The following VAV2 variants were observed in gnomAD, a reference collection of about 807,000 sequenced individuals.
VAV2 encodes vav guanine nucleotide exchange factor 2.
VAV2 carries 67 observed loss-of-function variants against 132.5 expected under a neutral mutation model. That is an observed-to-expected ratio of 0.51 (90% CI 0.42 to 0.62). The LOEUF is 0.62. VAV2 is among the 20% of genes least tolerant of loss of function. The pLI is 0.00. For missense variants in VAV2, 938 were observed against 1,153.6 expected (o/e 0.81, Z 2.71); for synonymous variants, 492 against 443.5 (o/e 1.11, Z -1.37).
rs1412345815 is a variant in VAV2, at chr9:133,843,369, G to GT, written c.381-9030dup. Among the ~76,000 whole-genome samples, 63 of 152,242 alleles carry GT rather than the reference G, an allele frequency of 4.1e-4. 1 individual carries two copies. The highest frequency in any genetic ancestry group is 7.2e-5 in the African/African-American group (3 of 41,538). The stretch of plus-strand genomic sequence containing the variant: ...AGTTCAGAGCTCTGACTTTGTTTGG[G>GT]TTTTTTTGGTATTTTTTTGTAGAGA... On this transcript the variant is annotated intron_variant, in intron 3 of 29. Coordinates refer to ENST00000371850, the MANE Select transcript of VAV2 (RefSeq NM_001134398.2).
rs1437520760 is a variant in VAV2, at chr9:133,857,309, C to T, written c.380+4065G>A. ...TCTCCCACTCTACAACCACAATCCT[C>T]CCCCTTGCCCCGCTTCCCCAACACG... On this transcript the variant is annotated intron_variant, in intron 3 of 29. Transcript: ENST00000371850. This position sits in a 1 kb window ranked among gnomAD's most constrained non-coding sequence, Gnocchi z 4.0. Among the ~76,000 whole-genome samples, 1 of 152,200 alleles carries T rather than the reference C, an allele frequency of 6.6e-6. No homozygotes were observed. The highest frequency in any genetic ancestry group is 2.4e-5 in the African/African-American group (1 of 41,444).
At position 133,961,078 on chromosome 9, in the gene VAV2, C is replaced by T. The variant is rs1218258829; in HGVS notation, c.205-21859G>A. 2.6e-5 allele frequency among the ~76,000 whole-genome samples: 4 copies of T among 152,252 alleles called. No homozygotes were observed. The highest frequency in any genetic ancestry group is 5.9e-5 in the Non-Finnish European group (4 of 68,036). Reference sequence around the variant, plus strand: ...CCTCCACTGGCCCACACCCGGCACACATCACGGGCGGCCCCAAGCTCTCCA... The same window carrying T: ...CCTCCACTGGCCCACACCCGGCACATATCACGGGCGGCCCCAAGCTCTCCA... On this transcript the variant is annotated intron_variant, in intron 1 of 29. Coordinates refer to ENST00000371850, the MANE Select transcript of VAV2 (RefSeq NM_001134398.2). The surrounding 1 kb of genome is among the most constrained non-coding windows in gnomAD (Gnocchi z 4.1).
At position 133,829,851 on chromosome 9, in the gene VAV2, C is replaced by T. The variant is rs943095172; in HGVS notation, c.449+4421G>A. 6.9e-4 allele frequency among the ~76,000 whole-genome samples: 105 copies of T among 152,216 alleles called. 1 individual carries two copies. The highest frequency in any genetic ancestry group is 2.3e-3 in the African/African-American group (95 of 41,516). ...CCCTTCTTATTTTTTGACGTGGCTC[C>T]GCTGTAATCCCACCACACTGCCCTG... On this transcript the variant is annotated intron_variant, in intron 4 of 29. Coordinates refer to ENST00000371850, the MANE Select transcript of VAV2 (RefSeq NM_001134398.2).
intron 6 of VAV2, 39 bp from the exon 7 acceptor site, chr9:133,809,177 C>CCCGGCCA: frequency 6.3e-7 from 1 of 1,578,222 alleles, no homozygotes; most frequent in Non-Finnish European, 8.7e-7. Context: ...ACCCCATGGG[C>CCCGGCCA]CCGGCCACCT....
At position 133,885,142 on chromosome 9, in the gene VAV2, A is replaced by G. The variant is rs147542383; in HGVS notation, c.322-23710T>C. On this transcript the variant is annotated intron_variant, in intron 2 of 29. Transcript: ENST00000371850. The surrounding 1 kb of genome is among the most constrained non-coding windows in gnomAD (Gnocchi z 5.0). ...CAGCCAATATTCATCAAAATGCATG[A>G]ATCTTCTCTGAACCAGTGACTTCAT... Among the ~76,000 whole-genome samples, 2 of 152,326 alleles carry G rather than the reference A, an allele frequency of 1.3e-5. No individual in the cohort carries two copies. Among genetic ancestry groups the G allele is most frequent in the East Asian group, 3.9e-4 (2 of 5,186 alleles).
In VAV2 at chr9:133,891,115, G is replaced by A. The variant is rs572026491; in HGVS notation, c.322-29683C>T. Among the ~76,000 whole-genome samples, 18 of 151,242 alleles carry A rather than the reference G, an allele frequency of 1.2e-4. No individual in the cohort carries two copies. The South Asian group carries it at 1.5e-3, about 12-fold the overall frequency. Reference sequence around the variant, plus strand: ...CCAAGGCTCTTGCAAGGGAGCACCAGAGCCCTGCTCAAGGTGCTCAGCAAG... The same window carrying A: ...CCAAGGCTCTTGCAAGGGAGCACCAAAGCCCTGCTCAAGGTGCTCAGCAAG... On this transcript the variant is annotated intron_variant, in intron 2 of 29. Coordinates refer to ENST00000371850, the MANE Select transcript of VAV2 (RefSeq NM_001134398.2).
At chr9:133,903,742 T>C (rs2519993) in intron 2 of VAV2, among the ~76,000 whole-genome samples, 119,357 of 151,922 alleles carry the variant, frequency 0.79, 47,696 homozygotes, top group East Asian at 0.98. Flanking sequence ...TCAGAAAAAA[T>C]TCTCAACAGG....
intron 4 of VAV2, among the ~76,000 whole-genome samples, chr9:133,822,258 G>T (rs528469005): frequency 1.3e-5 from 2 of 152,318 alleles, no homozygotes; most frequent in Admixed American, 6.5e-5. Context: ...GCTGGGATGC[G>T]CCGCACTGGC....
In VAV2 at chr9:133,763,849, G is replaced by C. The variant is rs1334116459; in HGVS notation, c.*213C>G. Reference sequence around the variant, plus strand: ...TGGGGCTAGCCCAGGTTTCCTCTATGTACAATAGCATACCCAGTGATGGGT... The same window carrying C: ...TGGGGCTAGCCCAGGTTTCCTCTATCTACAATAGCATACCCAGTGATGGGT... On this transcript the variant is annotated 3_prime_UTR_variant, in exon 30 of 30. Transcript: ENST00000371850. This position sits in a 1 kb window ranked among gnomAD's most constrained non-coding sequence, Gnocchi z 6.8. 1.6e-6 allele frequency: 1 copy of C among 607,404 alleles called. No individual in the cohort carries two copies. Among genetic ancestry groups the C allele is most frequent in the East Asian group, 2.9e-5 (1 of 34,348 alleles). The allele number at this position is 607,404 out of a possible 1,614,324, so 37.6% of individuals were successfully genotyped here.
chr9:133,832,559 C>CT (rs770322150), intron 4 of VAV2, among the ~76,000 whole-genome samples: 11,502 of 146,038 alleles, frequency 0.079, 732 homozygotes, highest in African/African-American at 0.18. Context: ...TTGGAATTTT[C>CT]TTTTTTTTTT....
chr9:133,932,537 A>T (rs1452047499), intron 2 of VAV2, among the ~76,000 whole-genome samples: 3 of 152,250 alleles, frequency 2.0e-5, no homozygotes. Flanking sequence ...GGGGTGAGTG[A>T]AGAGGAAGAA....
chr9:133,919,828 G>A lies in VAV2; in HGVS notation c.321+19275C>T, dbSNP rs939106951. ...CCCCGCTGCCCCGACTGTCCCTGCC[G>A]CCCCGGCCACCCCTGCCTCACCCAC... On this transcript the variant is annotated intron_variant, in intron 2 of 29. Coordinates refer to ENST00000371850, the MANE Select transcript of VAV2 (RefSeq NM_001134398.2). The surrounding 1 kb of genome is among the most constrained non-coding windows in gnomAD (Gnocchi z 5.8). 5.9e-5 allele frequency among the ~76,000 whole-genome samples: 9 copies of A among 152,016 alleles called. No homozygotes were observed. Among genetic ancestry groups the A allele is most frequent in the South Asian group, 2.1e-4 (1 of 4,816 alleles).
intron 2 of VAV2, among the ~76,000 whole-genome samples, chr9:133,906,563 A>G (rs547083037): frequency 3.2e-4 from 49 of 152,344 alleles, no homozygotes; most frequent in African/African-American, 1.1e-3. Flanking sequence ...CAATGAAACC[A>G]GGTCCATGAA....
chr9:133,882,684 G>A (rs578227021), intron 2 of VAV2, among the ~76,000 whole-genome samples: 108 of 152,228 alleles, frequency 7.1e-4, no homozygotes, highest in African/African-American at 2.3e-3. Context: ...CTTGTTTTGC[G>A]GCACCAGGTC....
intron 3 of VAV2, among the ~76,000 whole-genome samples, chr9:133,843,773 G>A (rs1836820096): frequency 6.6e-6 from 1 of 152,228 alleles, no homozygotes; most frequent in Non-Finnish European, 1.5e-5. Flanking sequence ...TCACGGGGGT[G>A]GAGTCGAGAG....
chr9:133,981,786 C>T (rs1264581094), intron 1 of VAV2, among the ~76,000 whole-genome samples: 2 of 152,224 alleles, frequency 1.3e-5, no homozygotes, highest in Non-Finnish European at 2.9e-5. Context: ...TTCCAAGGAT[C>T]TCTTTCTGGC....
At chr9:133,967,483 C>T (rs1461582434) in intron 1 of VAV2, among the ~76,000 whole-genome samples, 2 of 152,172 alleles carry the variant, frequency 1.3e-5, no homozygotes, top group African/African-American at 4.8e-5. Context: ...TCACAATCAA[C>T]CTAAATATCA....
At position 133,809,266 on chromosome 9, in the gene VAV2, A is replaced by G. The variant is rs563652121; in HGVS notation, c.568-128T>C. ...CTTGGGTTTGGCCACGAGGTCACTGAGTGTGCAGTGCTGCAGCCAGATGGG... is the reference window on the plus strand; with the variant it reads ...CTTGGGTTTGGCCACGAGGTCACTGGGTGTGCAGTGCTGCAGCCAGATGGG... On this transcript the variant is annotated intron_variant, in intron 6 of 29. Coordinates refer to ENST00000371850, the MANE Select transcript of VAV2 (RefSeq NM_001134398.2). 1.8e-4 allele frequency: 133 copies of G among 722,596 alleles called. No individual in the cohort carries two copies. The African/African-American group carries it at 2.3e-3, about 12-fold the overall frequency. 44.8% of individuals were successfully genotyped at this position (722,596 alleles called of 1,614,324 possible).
At position 133,768,529 on chromosome 9, in the gene VAV2, C is replaced by G; in HGVS notation, c.2502G>C (p.Glu834Asp). 1.9e-6 allele frequency: 3 copies of G among 1,614,082 alleles called. No individual in the cohort carries two copies. Among genetic ancestry groups the G allele is most frequent in the Non-Finnish European group, 2.5e-6 (3 of 1,180,012 alleles). Residue 834 changes from glutamate to aspartate, a missense_variant, in exon 29 of 30, where the codon GAG (glutamate) becomes GAC (aspartate). Glu to Asp is a conservative substitution (Grantham distance 45, BLOSUM62 2). Coordinates refer to ENST00000371850, the MANE Select transcript of VAV2 (RefSeq NM_001134398.2). The surrounding 1 kb of genome is among the most constrained non-coding windows in gnomAD (Gnocchi z 5.3). ...RYNFAARDMR[E>D]LSLREGDVVR... ...CCACGTCACCCTCCCGCAGCGAAAG[C>G]TCCCTCATATCTCGGGCGGCAAAGT...
Sources: gnomAD v4.1 joint callset for allele counts (sites outside exome capture counted in the v4.1 genomes callset) on GRCh38, gnomAD v4.1.1 for gene constraint, Gnocchi (gnomAD v3.1) non-coding constraint, MANE v1.5 for transcripts, NCBI Gene and HGNC (gene_info 2026-07-23, HGNC 2026-07-21) for gene names.